Variants in LAMC3 observed in about 807,000 individuals in gnomAD.
The protein encoded by LAMC3 is laminin subunit gamma-3.
A neutral mutation model predicts 173.8 loss-of-function variants in LAMC3; 128 were observed. The observed-to-expected ratio is 0.74, with a 90% CI of 0.64 to 0.85. The LOEUF (loss-of-function observed/expected upper bound fraction) is 0.85. Ranked by LOEUF, LAMC3 falls within the 40% of genes least tolerant of loss-of-function variation. The pLI, the probability that LAMC3 is intolerant of heterozygous loss-of-function variation, is 0.00. For synonymous variants in LAMC3, 897 were observed against 909.1 expected (o/e 0.99, Z 0.24); for missense variants, 2,022 against 2,156.0 (o/e 0.94, Z 1.23).
At chr9:131,011,650 G>A (rs556774511) in intron 1 of LAMC3, among the ~76,000 whole-genome samples, 16 of 151,908 alleles carry the variant, frequency 1.1e-4, no homozygotes, top group South Asian at 2.1e-4. Flanking sequence ...ACGAGGGGGA[G>A]GGGACAGGAA....
At chr9:131,060,481 T>C (rs1482736268) in intron 12 of LAMC3, among the ~76,000 whole-genome samples, 1 of 151,962 alleles carries the variant, frequency 6.6e-6, no homozygotes. Context: ...CCATTTCTAC[T>C]AAAAATACAA....
rs1040773151 is a variant in LAMC3 at position 131,029,920 on chromosome 9, C to T, written c.679-2125C>T. Among the ~76,000 whole-genome samples the T allele has an allele frequency of 1.3e-5, 2 of 151,542 alleles. No homozygotes were observed. The highest frequency in any genetic ancestry group is 4.9e-5 in the African/African-American group (2 of 41,158). ...AAGCTGGAGTTCCAGTGCCTGGGTTCAGTGGGGATTGCCCTAAAATGACTT... is the reference window on the plus strand; with the variant it reads ...AAGCTGGAGTTCCAGTGCCTGGGTTTAGTGGGGATTGCCCTAAAATGACTT... On this transcript the variant is annotated intron_variant, in intron 2 of 27. Transcript: ENST00000361069. This position sits in a 1 kb window ranked among gnomAD's most constrained non-coding sequence, Gnocchi z 4.6.
In LAMC3 at chr9:131,036,344, A is replaced by C. The variant is rs533618360; in HGVS notation, c.976+12A>C. 1 of 1,612,564 alleles carries C rather than the reference A, an allele frequency of 6.2e-7. No homozygotes were observed. Among genetic ancestry groups the C allele is most frequent in the Admixed American group, 1.7e-5 (1 of 59,968 alleles). The stretch of plus-strand genomic sequence containing the variant: ...CCACGAGTGTCTGCGTGAGTGTCTG[A>C]GTGTCACAGGGCATCAGGGACCCGA... On this transcript the variant is annotated intron_variant, in intron 4 of 27. Transcript: ENST00000361069.
chr9:131,078,450 A>G (rs910299016), intron 22 of LAMC3, among the ~76,000 whole-genome samples: 1 of 152,188 alleles, frequency 6.6e-6, no homozygotes, highest in Non-Finnish European at 1.5e-5. Context: ...GCGCCACTGC[A>G]CTCCAGCCTA....
intron 11 of LAMC3, among the ~76,000 whole-genome samples, chr9:131,054,228 G>C (rs1478605372): frequency 6.6e-6 from 1 of 152,096 alleles, no homozygotes; most frequent in Non-Finnish European, 1.5e-5. Context: ...TTCCAGGGGA[G>C]GGAGATTTTG....
chr9:131,040,747 CAGCTG>C (rs1834035455), intron 6 of LAMC3, among the ~76,000 whole-genome samples: 2 of 152,138 alleles, frequency 1.3e-5, no homozygotes, highest in Admixed American at 1.3e-4. Context: ...CTTCAGGTCT[CAGCTG>C]AGCAGCCCCG....
intron 9 of LAMC3, 53 bp from the exon 10 acceptor site, chr9:131,052,437 TA>T (rs1834307083): frequency 6.9e-7 from 1 of 1,457,396 alleles, no homozygotes; most frequent in Non-Finnish European, 9.6e-7. Context: ...CATAGACATT[TA>T]AAATCAAGCT....
rs753933045 is a variant in LAMC3, at chr9:131,052,606, G to A, written c.1746G>A (p.Leu582=). ...AGCTGAGGCTGGAAGGGACAGGCTTGGCCCTGTCCCTGAGGCACTCTAGCC... is the reference window on the plus strand; with the variant it reads ...AGCTGAGGCTGGAAGGGACAGGCTTAGCCCTGTCCCTGAGGCACTCTAGCC... ...PVQLRLEGTG[L]ALSLRHSSLS... The change falls in exon 10 of 28, where the codon TTG becomes TTA. Residue 582 remains leucine, a synonymous_variant. Transcript: ENST00000361069. 1.2e-6 allele frequency: 2 copies of A among 1,613,696 alleles called. No homozygotes were observed. The highest frequency in any genetic ancestry group is 3.3e-5 in the Admixed American group (2 of 60,024).
At position 131,087,735 on chromosome 9, in the gene LAMC3, C is replaced by T. The variant is rs757679472; in HGVS notation, c.4395C>T (p.Ser1465=). ...CCTGAAAGGTGGGTGCTGGGCTGAG[C>T]GAGATGGAGCAGCAGATCCGGGAAT... ...EEAERVGAGL[S]EMEQQIRESR... is the part of the protein sequence containing the mutation. The change falls in exon 27 of 28, where the codon AGC becomes AGT. Residue 1465 remains serine, a synonymous_variant. Coordinates refer to ENST00000361069, the MANE Select transcript of LAMC3 (RefSeq NM_006059.4). The T allele has an allele frequency of 2.5e-6, 4 of 1,613,984 alleles. No individual in the cohort carries two copies. The highest frequency in any genetic ancestry group is 1.6e-4 in the Middle Eastern group (1 of 6,084).
chr9:131,079,220 G>A lies in LAMC3; in HGVS notation c.3849G>A (p.Gln1283=), dbSNP rs1352058038. ...KALEKTVASW[Q]HMATEAARTL... is the part of the protein sequence containing the mutation. ...TGGAGAAGACAGTTGCATCATGGCA[G>A]CACATGGCCACTGAGGCTGCCCGAA... Residue 1283 remains glutamine (Q), a synonymous_variant, in exon 23 of 28, where the codon CAG becomes CAA. Coordinates refer to ENST00000361069, the MANE Select transcript of LAMC3 (RefSeq NM_006059.4). The A allele has an allele frequency of 4.3e-6, 7 of 1,614,098 alleles. No homozygotes were observed. The highest frequency in any genetic ancestry group is 5.9e-6 in the Non-Finnish European group (7 of 1,179,990).
At chr9:131,054,858 AAAAG>A (rs1459017625) in intron 11 of LAMC3, among the ~76,000 whole-genome samples, 7 of 152,080 alleles carry the variant, frequency 4.6e-5, no homozygotes, top group Admixed American at 1.3e-4. Context: ...GAGGGAAAAG[AAAAG>A]AAAGAAAGGT....
chr9:131,046,940 G>A (rs1406684924), intron 8 of LAMC3, among the ~76,000 whole-genome samples: 1 of 152,118 alleles, frequency 6.6e-6, no homozygotes, highest in South Asian at 2.1e-4. Context: ...AAGCAGGACC[G>A]AGAGATGCGC....
At chr9:131,048,551 C>T (rs10901328) in intron 8 of LAMC3, among the ~76,000 whole-genome samples, 35 of 152,020 alleles carry the variant, frequency 2.3e-4, no homozygotes, top group Admixed American at 6.6e-4. Flanking sequence ...GGCTGTGCTC[C>T]GTGTTAACTG....
At position 131,067,042 on chromosome 9, in the gene LAMC3, C is replaced by A. The variant is rs769118642; in HGVS notation, c.2430C>A (p.Cys810Ter). 6 of 1,614,106 alleles carry A rather than the reference C, an allele frequency of 3.7e-6. No individual in the cohort carries two copies. The Admixed American group carries it at 1.0e-4, about 27-fold the overall frequency. The change falls in exon 14 of 28, where the codon TGC becomes TGA. Residue 810 changes from cysteine (C) to a stop codon, truncating the protein, a stop_gained. Transcript: ENST00000361069. LOFTEE classifies it high-confidence loss of function. ...LFGHPQPCHQ[C>*]QCSGNVDPNA... is the part of the protein sequence containing the mutation. The stretch of plus-strand genomic sequence containing the variant: ...GGCACCCCCAGCCCTGCCACCAGTG[C>A]CAGTGTAGCGGGAACGTGGACCCCA...
chr9:131,055,045 A>G (rs567315460), intron 11 of LAMC3, among the ~76,000 whole-genome samples: 1 of 152,284 alleles, frequency 6.6e-6, no homozygotes, highest in South Asian at 2.1e-4. Context: ...CAGGCGCTTA[A>G]GTGGCCTCCA....
chr9:131,033,454 G>A (rs775820130), intron 3 of LAMC3, among the ~76,000 whole-genome samples: 1 of 152,120 alleles, frequency 6.6e-6, no homozygotes, highest in Non-Finnish European at 1.5e-5. Flanking sequence ...TGGGACCCAA[G>A]AGTGGGAAGG....
Position 131,071,627 on chromosome 9 carries a change from T to C in LAMC3, c.3211+2T>C, listed in dbSNP as rs2133322852. On this transcript the variant is annotated splice_donor_variant, in intron 18 of 27. Coordinates refer to ENST00000361069, the MANE Select transcript of LAMC3 (RefSeq NM_006059.4). LOFTEE classifies it high-confidence loss of function. Reference sequence around the variant, plus strand: ...ACCAGGGCCATCACCTGCTTCCAGGTACAGCAGGAGCGCAGAGCGGGAGGG... The same window carrying C: ...ACCAGGGCCATCACCTGCTTCCAGGCACAGCAGGAGCGCAGAGCGGGAGGG... The C allele has an allele frequency of 6.3e-7, 1 of 1,578,598 alleles. No individual in the cohort carries two copies. The highest frequency in any genetic ancestry group is 1.7e-5 in the Admixed American group (1 of 57,930).
At chr9:131,027,565 C>T (rs1033492692) in intron 2 of LAMC3, among the ~76,000 whole-genome samples, 13 of 152,024 alleles carry the variant, frequency 8.6e-5, no homozygotes, top group Admixed American at 3.3e-4. Context: ...GAGATGTGGC[C>T]AGCGCAGTTG....
Position 131,067,302 on chromosome 9 carries a change from A to G in LAMC3, c.2593+97A>G, listed in dbSNP as rs558622861. ...AGAAGGGGTGGCTGAGGAACCCACC[A>G]GAACCAGCTGGCTCCTCTGCAAGGC... is the stretch of plus-strand genomic sequence containing the variant. On this transcript the variant is annotated intron_variant, in intron 14 of 27. Transcript: ENST00000361069. The G allele has an allele frequency of 4.2e-5, 63 of 1,516,828 alleles. No individual in the cohort carries two copies. The African/African-American group carries it at 6.5e-4, about 16-fold the overall frequency. The allele number at this position is 1,516,828 out of a possible 1,614,324, so 94.0% of individuals were successfully genotyped here.
Sources: gnomAD v4.1 joint callset for allele counts (sites outside exome capture counted in the v4.1 genomes callset) on GRCh38, gnomAD v4.1.1 for gene constraint, Gnocchi (gnomAD v3.1) non-coding constraint, MANE v1.5 for transcripts, NCBI Gene and HGNC (gene_info 2026-07-23, HGNC 2026-07-21) for gene names.